The following NPSR1 variants were observed in gnomAD, a reference collection of about 807,000 sequenced individuals.
NPSR1 encodes neuropeptide S receptor 1.
Under a neutral mutation model 46.9 loss-of-function variants are expected in NPSR1, and 48 were observed. The observed-to-expected ratio is 1.02, with a 90% CI of 0.81 to 1.30. NPSR1 has a LOEUF of 1.30. NPSR1 is among the 50% of genes most tolerant of loss of function. The probability of loss-of-function intolerance (pLI) is 0.00; values close to 1 mark genes in which losing one functional copy is unlikely to be tolerated. For synonymous variants in NPSR1, 176 were observed against 168.1 expected, an observed-to-expected ratio of 1.05 and a Z score of -0.36; for missense variants, 450 against 449.5, an observed-to-expected ratio of 1.00 and a Z score of -0.01.
At chr7:34,822,600 T>G (rs1423634281) in intron 4 of NPSR1, among the ~76,000 whole-genome samples, 1 of 152,166 alleles carries the variant, frequency 6.6e-6, no homozygotes, top group Non-Finnish European at 1.5e-5. Flanking sequence ...ACTTTGATAA[T>G]TAAAACAATG....
At chr7:34,674,775 T>C (rs962608935) in intron 1 of NPSR1, among the ~76,000 whole-genome samples, 1 of 152,264 alleles carries the variant, frequency 6.6e-6, no homozygotes, top group South Asian at 2.1e-4. Context: ...TTATCACTAC[T>C]GTTGTGTGGA....
rs368744955 is a variant in NPSR1, at chr7:34,874,788, T to C, written c.1026-3288T>C. Among the ~76,000 whole-genome samples the C allele has an allele frequency of 4.3e-3, 660 of 151,870 alleles. 1 individual carries two copies. Among genetic ancestry groups the C allele is most frequent in the Admixed American group, 7.0e-3 (107 of 15,296 alleles). On this transcript the variant is annotated intron_variant, in intron 8 of 8. Transcript: ENST00000359791. ...AACTAACAGGAAAACCCAGGTCCCA[T>C]GTGAGTACCAAGTTAAATGACCCCA...
At chr7:34,822,427 T>C (rs1171395185) in intron 4 of NPSR1, among the ~76,000 whole-genome samples, 1 of 152,248 alleles carries the variant, frequency 6.6e-6, no homozygotes, top group Non-Finnish European at 1.5e-5. Context: ...ATATTTTATT[T>C]ATTTTTTACT....
chr7:34,725,644 G>A (rs1037882225), intron 2 of NPSR1, among the ~76,000 whole-genome samples: 15 of 152,144 alleles, frequency 9.9e-5, no homozygotes, highest in African/African-American at 2.2e-4. Flanking sequence ...ACTCTTTTCC[G>A]CCCCATACCA....
chr7:34,700,310 T>C (rs1207111840), intron 2 of NPSR1, among the ~76,000 whole-genome samples: 1 of 152,144 alleles, frequency 6.6e-6, no homozygotes, highest in African/African-American at 2.4e-5. Flanking sequence ...AGTGCAACGA[T>C]TGTACTGGGT....
chr7:34,799,572 A>C (rs1788370824), intron 3 of NPSR1, among the ~76,000 whole-genome samples: 1 of 150,818 alleles, frequency 6.6e-6, no homozygotes, highest in Non-Finnish European at 1.5e-5. Context: ...GGAAGCACTA[A>C]ACATGCAAAG....
rs950214108 is a variant in NPSR1 at position 34,877,042 on chromosome 7, G to A, written c.1026-1034G>A. On this transcript the variant is annotated intron_variant, in intron 8 of 8. Transcript: ENST00000359791. The stretch of plus-strand genomic sequence containing the variant: ...CCCCACTCCTGGACAGTAGAGACCC[G>A]TAACCACTGCTCCATAGGAGTTGGG... Among the ~76,000 whole-genome samples, 25 of 152,284 alleles carry A rather than the reference G, an allele frequency of 1.6e-4. No individual in the cohort carries two copies. The South Asian group carries it at 2.3e-3, about 14-fold the overall frequency.
In NPSR1 at chr7:34,811,834, T is replaced by A. The variant is rs1193378029; in HGVS notation, c.449T>A (p.Ile150Asn). 6.2e-7 allele frequency: 1 copy of A among 1,613,278 alleles called. No homozygotes were observed. Among genetic ancestry groups the A allele is most frequent in the East Asian group, 2.2e-5 (1 of 44,838 alleles). The part of the protein sequence containing the change: ...VSLSIDRYHA[I>N]VYPMKFLQGE... ...CTCAGCATAGACAGATACCATGCCA[T>A]CGTCTACCCCATGAAGTTCCTTCAA... The change falls in exon 4 of 9, where the codon ATC becomes AAC. Residue 150 changes from isoleucine (I) to asparagine (N), a missense_variant. Coordinates refer to ENST00000360581, the MANE Select transcript of NPSR1 (RefSeq NM_207172.2).
chr7:34,830,685 G>A (rs957807318), intron 5 of NPSR1, among the ~76,000 whole-genome samples: 9 of 152,012 alleles, frequency 5.9e-5, no homozygotes, highest in Admixed American at 2.0e-4. Flanking sequence ...AGTGATTGAC[G>A]TAATTAAGAA....
chr7:34,838,035 T>C (rs1790435027), intron 6 of NPSR1, among the ~76,000 whole-genome samples: 1 of 152,124 alleles, frequency 6.6e-6, no homozygotes, highest in Non-Finnish European at 1.5e-5. Flanking sequence ...CCTCCCTGCT[T>C]GTCCCTCTGA....
chr7:34,768,915 A>G (rs1786551199), intron 2 of NPSR1, among the ~76,000 whole-genome samples: 1 of 152,148 alleles, frequency 6.6e-6, no homozygotes, highest in African/African-American at 2.4e-5. Flanking sequence ...TCTACTATGT[A>G]TTATGGGTTC....
intron 4 of NPSR1, among the ~76,000 whole-genome samples, chr7:34,826,144 CA>C: frequency 6.6e-6 from 1 of 152,248 alleles, no homozygotes; most frequent in South Asian, 2.1e-4. Flanking sequence ...CCCCTGTCCC[CA>C]GTGGATTACC....
At position 34,700,318 on chromosome 7, in the gene NPSR1, G is replaced by A. The variant is rs142171515; in HGVS notation, c.280+15634G>A. Reference sequence around the variant, plus strand: ...ATAACTCAGTGCAACGATTGTACTGGGTAGGCAAGGTAGGGTGGCAGGGAA... The same window carrying A: ...ATAACTCAGTGCAACGATTGTACTGAGTAGGCAAGGTAGGGTGGCAGGGAA... On this transcript the variant is annotated intron_variant, in intron 2 of 8. Coordinates refer to ENST00000360581, the MANE Select transcript of NPSR1 (RefSeq NM_207172.2). Among the ~76,000 whole-genome samples the A allele has an allele frequency of 1.1e-3, 174 of 152,256 alleles. 1 individual carries two copies. Among genetic ancestry groups the A allele is most frequent in the African/African-American group, 4.0e-3 (168 of 41,546 alleles).
chr7:34,768,554 C>A (rs546091166), intron 2 of NPSR1: 4 of 152,198 alleles, frequency 2.6e-5, no homozygotes, highest in African/African-American at 9.6e-5. Context: ...AGATTTATAA[C>A]CCATGTAAAA....
chr7:34,700,311 T>TCA (rs1793757525), intron 2 of NPSR1, among the ~76,000 whole-genome samples: 1 of 152,202 alleles, frequency 6.6e-6, no homozygotes, highest in Non-Finnish European at 1.5e-5. Flanking sequence ...GTGCAACGAT[T>TCA]GTACTGGGTA....
chr7:34,684,825 A>G (rs1156731092), intron 2 of NPSR1, 141 bp downstream of exon 2: 5 of 687,794 alleles, frequency 7.3e-6, no homozygotes, highest in Non-Finnish European at 1.1e-5. Flanking sequence ...TATAAAACCT[A>G]TATTTGAATA....
chr7:34,857,937 A>G (rs10244389), intron 8 of NPSR1, among the ~76,000 whole-genome samples: 30,725 of 151,644 alleles, frequency 0.2, 3,499 homozygotes, highest in Non-Finnish European at 0.24. Flanking sequence ...ACAAAAAACT[A>G]TGAAAAGGTG....
chr7:34,760,085 T>G lies in NPSR1; in HGVS notation c.281-18377T>G, dbSNP rs190067084. On this transcript the variant is annotated intron_variant, in intron 2 of 8. Coordinates refer to ENST00000360581, the MANE Select transcript of NPSR1 (RefSeq NM_207172.2). ...TGATCAAGTGTGTTAATCAAATATA[T>G]TGGATTAGCTGGCATGCATTATAGC... Among the ~76,000 whole-genome samples the G allele has an allele frequency of 2.6e-4, 39 of 152,344 alleles. 1 individual carries two copies. The highest frequency in any genetic ancestry group is 8.4e-4 in the African/African-American group (35 of 41,578).
intron 2 of NPSR1, among the ~76,000 whole-genome samples, chr7:34,742,476 A>T (rs1784992409): frequency 6.6e-6 from 1 of 152,178 alleles, no homozygotes; most frequent in South Asian, 2.1e-4. Context: ...AGCTTCATCC[A>T]TGTTCCCACA....
Sources: allele counts gnomAD v4.1 joint callset (sites outside exome capture counted in the v4.1 genomes callset), GRCh38; gene constraint gnomAD v4.1.1; transcripts MANE v1.5; gene names NCBI Gene and HGNC (gene_info 2026-07-23, HGNC 2026-07-21).